The following ZDHHC14 variants were observed in gnomAD, a reference collection of about 807,000 sequenced individuals.
ZDHHC14 encodes zDHHC palmitoyltransferase 14.
In ZDHHC14, 16 loss-of-function variants were observed where a neutral mutation model predicts 47.7. The ratio of observed to expected loss-of-function variants is 0.34; its 90% CI spans 0.23 to 0.51. The LOEUF is 0.51. Among genes scored for constraint, ZDHHC14 ranks in the 20% least tolerant of loss-of-function variants. The probability of loss-of-function intolerance (pLI) is 0.97; values close to 1 mark genes in which losing one functional copy is unlikely to be tolerated. For missense variants in ZDHHC14, 515 were observed against 662.5 expected, an observed-to-expected ratio of 0.78 and a Z score of 2.44; for synonymous variants, 293 against 278.9, an observed-to-expected ratio of 1.05 and a Z score of -0.50.
intron 1 of ZDHHC14, among the ~76,000 whole-genome samples, chr6:157,393,036 C>T (rs186645231): frequency 5.9e-5 from 9 of 152,178 alleles, no homozygotes; most frequent in Admixed American, 5.9e-4. Context: ...TGCACCATCA[C>T]ACCCAGCTAA....
chr6:157,388,835 T>C (rs1189908091), intron 1 of ZDHHC14, among the ~76,000 whole-genome samples: 1 of 152,126 alleles, frequency 6.6e-6, no homozygotes, highest in Non-Finnish European at 1.5e-5. Flanking sequence ...AAGAAGCACA[T>C]CACATCAATG....
chr6:157,403,429 T>G (rs915030113), intron 1 of ZDHHC14, among the ~76,000 whole-genome samples: 1 of 152,214 alleles, frequency 6.6e-6, no homozygotes, highest in Non-Finnish European at 1.5e-5. Flanking sequence ...TTACCCTTAC[T>G]CAACCTATGC....
intron 1 of ZDHHC14, among the ~76,000 whole-genome samples, chr6:157,491,572 C>A (rs1397661933): frequency 6.6e-6 from 1 of 151,270 alleles, no homozygotes; most frequent in African/African-American, 2.5e-5. Flanking sequence ...GTTTCTTCTT[C>A]TTTATTTATC....
intron 1 of ZDHHC14, among the ~76,000 whole-genome samples, chr6:157,447,254 G>C (rs144367748): frequency 2.4e-4 from 36 of 152,384 alleles, no homozygotes; most frequent in African/African-American, 7.7e-4. Context: ...CCCTGTTCTG[G>C]GCTTGGAGGG....
At chr6:157,633,531 C>A (rs1207477047) in intron 5 of ZDHHC14, among the ~76,000 whole-genome samples, 1 of 152,112 alleles carries the variant, frequency 6.6e-6, no homozygotes, top group Non-Finnish European at 1.5e-5. Context: ...CTCCCAGGGG[C>A]CCCAGGCTTT....
chr6:157,569,223 A>G (rs1218094020), intron 2 of ZDHHC14, among the ~76,000 whole-genome samples: 1 of 151,998 alleles, frequency 6.6e-6, no homozygotes, highest in African/African-American at 2.4e-5. Context: ...CCTCCTAATC[A>G]GATAAGTTTA....
At chr6:157,615,686 G>A (rs1784937558) in intron 3 of ZDHHC14, among the ~76,000 whole-genome samples, 1 of 152,222 alleles carries the variant, frequency 6.6e-6, no homozygotes, top group Non-Finnish European at 1.5e-5. Context: ...TGCCCATCAT[G>A]TGGTGTTTCA....
At chr6:157,613,546 T>A (rs781714322) in intron 3 of ZDHHC14, among the ~76,000 whole-genome samples, 25 of 152,144 alleles carry the variant, frequency 1.6e-4, no homozygotes, top group Admixed American at 5.9e-4. Flanking sequence ...GATTTTAGGT[T>A]GTATACCTCC....
At chr6:157,557,223 G>A (rs866982945) in intron 2 of ZDHHC14, among the ~76,000 whole-genome samples, 32 of 152,212 alleles carry the variant, frequency 2.1e-4, no homozygotes, top group South Asian at 2.1e-4. Flanking sequence ...AGCAGGAGAG[G>A]AGGATTTGCT....
intron 7 of ZDHHC14, among the ~76,000 whole-genome samples, chr6:157,650,382 G>A (rs916524465): frequency 2.0e-5 from 3 of 152,090 alleles, no homozygotes; most frequent in African/African-American, 4.8e-5. Flanking sequence ...GAGCTGGGCC[G>A]AGAACCAAGA....
At chr6:157,640,712 T>C (rs1327918973) in intron 5 of ZDHHC14, among the ~76,000 whole-genome samples, 1 of 151,918 alleles carries the variant, frequency 6.6e-6, no homozygotes, top group Non-Finnish European at 1.5e-5. Flanking sequence ...TGAGGGAGGG[T>C]CAGGAAGAAA....
At chr6:157,513,146 G>A (rs753388267) in intron 1 of ZDHHC14, among the ~76,000 whole-genome samples, 1 of 152,220 alleles carries the variant, frequency 6.6e-6, no homozygotes, top group Non-Finnish European at 1.5e-5. Context: ...GGACACCAGG[G>A]GAGATGGCTC....
intron 1 of ZDHHC14, among the ~76,000 whole-genome samples, chr6:157,408,340 G>A (rs1777809595): frequency 6.6e-6 from 1 of 152,008 alleles, no homozygotes; most frequent in Non-Finnish European, 1.5e-5. Context: ...TGTGCAGGAT[G>A]TGCAGGCTTG....
At chr6:157,671,910 C>T (rs115155050) in intron 8 of ZDHHC14, among the ~76,000 whole-genome samples, 2,695 of 152,206 alleles carry the variant, frequency 0.018, 85 homozygotes, top group African/African-American at 0.061. Flanking sequence ...AGTATTAAGT[C>T]CGTTGATGTT....
intron 1 of ZDHHC14, among the ~76,000 whole-genome samples, chr6:157,438,585 T>G (rs1245323828): frequency 6.6e-6 from 1 of 152,240 alleles, no homozygotes; most frequent in African/African-American, 2.4e-5. Context: ...AGGATCACCA[T>G]AGTAACAACC....
chr6:157,579,419 A>T (rs951952516), intron 2 of ZDHHC14, among the ~76,000 whole-genome samples: 4 of 151,846 alleles, frequency 2.6e-5, no homozygotes. Flanking sequence ...GGATGGTCTC[A>T]ATCTGCTGAC....
intron 1 of ZDHHC14, among the ~76,000 whole-genome samples, chr6:157,438,564 T>C (rs908125386): frequency 4.6e-5 from 7 of 152,238 alleles, no homozygotes; most frequent in Admixed American, 6.5e-5. Flanking sequence ...CCCTGTGAAT[T>C]TGCAAATGTG....
intron 3 of ZDHHC14, among the ~76,000 whole-genome samples, chr6:157,626,054 T>C (rs1208090746): frequency 6.6e-6 from 1 of 152,142 alleles, no homozygotes; most frequent in Admixed American, 6.5e-5. Context: ...TATTAAACTT[T>C]CTAAGCTAAA....
chr6:157,583,584 T>C lies in ZDHHC14; in HGVS notation c.407-9404T>C, dbSNP rs148538825. 3.7e-3 allele frequency among the ~76,000 whole-genome samples: 566 copies of C among 152,278 alleles called. 3 individuals are homozygous for C. The highest frequency in any genetic ancestry group is 6.1e-3 in the Non-Finnish European group (413 of 68,016). On this transcript the variant is annotated intron_variant, in intron 2 of 8. Coordinates refer to ENST00000359775, the MANE Select transcript of ZDHHC14 (RefSeq NM_024630.3). Reference sequence around the variant, plus strand: ...GTTGAAGTTTTGGGCTTTGATACAGTAGATGGCACTTAAACGTAAGGGCCA... The same window carrying C: ...GTTGAAGTTTTGGGCTTTGATACAGCAGATGGCACTTAAACGTAAGGGCCA...
Sources: gnomAD v4.1 joint callset for allele counts (sites outside exome capture counted in the v4.1 genomes callset) on GRCh38, gnomAD v4.1.1 for gene constraint, MANE v1.5 for transcripts, NCBI Gene and HGNC (gene_info 2026-07-23, HGNC 2026-07-21) for gene names.